CCDC39: variants seen among roughly 807,000 people sequenced by gnomAD.
CCDC39 encodes coiled-coil domain-containing protein 39.
Under a neutral mutation model 121.0 loss-of-function variants are expected in CCDC39, and 113 were observed. The ratio of observed to expected loss-of-function variants is 0.93; its 90% CI spans 0.80 to 1.09. CCDC39 has a LOEUF of 1.09. Ranked by LOEUF, CCDC39 falls within the 50% of genes least tolerant of loss-of-function variation. The probability of loss-of-function intolerance (pLI) is 0.00; values close to 1 mark genes in which losing one functional copy is unlikely to be tolerated. For missense variants in CCDC39, 1,063 were observed against 1,074.7 expected, an observed-to-expected ratio of 0.99 and a Z score of 0.15; for synonymous variants, 349 against 352.2, an observed-to-expected ratio of 0.99 and a Z score of 0.10.
intron 7 of CCDC39, among the ~76,000 whole-genome samples, chr3:180,653,405 C>T (rs1371259212): frequency 2.0e-5 from 3 of 152,118 alleles, no homozygotes; most frequent in Non-Finnish European, 2.9e-5. Context: ...AAACTTTTGC[C>T]TTCCTTTATC....
chr3:180,648,001 G>C (rs1718112981), intron 10 of CCDC39, among the ~76,000 whole-genome samples, 164 bp downstream of exon 10: 1 of 151,920 alleles, frequency 6.6e-6, no homozygotes, highest in Non-Finnish European at 1.5e-5. Context: ...AGTTTTTAAG[G>C]CTCCCTCACC....
Position 180,648,201 on chromosome 3 carries a change from A to T in CCDC39, c.1326T>A (p.Phe442Leu). Reference protein sequence around the residue: ...HLNHQLQKLDFETLKQQEIMY... With the variant: ...HLNHQLQKLDLETLKQQEIMY... Reference sequence around the variant, plus strand: ...TAATTTCTTGCTGCTTCAAGGTTTCAAAATCCAGTTTTTGTAACTGATGGT... The same window carrying T: ...TAATTTCTTGCTGCTTCAAGGTTTCTAAATCCAGTTTTTGTAACTGATGGT... Residue 442 changes from phenylalanine (F) to leucine (L), a missense_variant, in exon 10 of 20, where the codon TTT (phenylalanine) becomes TTA (leucine). Phe to Leu is a conservative substitution (Grantham distance 22, BLOSUM62 0). Coordinates refer to ENST00000476379, the MANE Select transcript of CCDC39 (RefSeq NM_181426.2). The T allele has an allele frequency of 6.2e-7, 1 of 1,613,462 alleles. No homozygotes were observed.
rs938956819 is a variant in CCDC39, at chr3:180,678,434, G to C, written c.90+857C>G. Among the ~76,000 whole-genome samples the C allele has an allele frequency of 7.9e-5, 12 of 152,074 alleles. No individual in the cohort carries two copies. The South Asian group carries it at 2.5e-3, about 32-fold the overall frequency. On this transcript the variant is annotated intron_variant, in intron 1 of 19. Transcript: ENST00000476379. ...GTGTAAGCATCATCTGTTATTCTTG[G>C]ACCTTCTTCTACACAACATATCACC...
chr3:180,670,378 A>T (rs1230126541), intron 1 of CCDC39, among the ~76,000 whole-genome samples: 2 of 151,914 alleles, frequency 1.3e-5, no homozygotes, highest in East Asian at 3.9e-4. Flanking sequence ...AAAAGCTGAC[A>T]ATTTTCTATG....
intron 1 of CCDC39, among the ~76,000 whole-genome samples, chr3:180,678,275 T>G (rs1425241971): frequency 1.3e-5 from 2 of 152,208 alleles, no homozygotes; most frequent in Non-Finnish European, 2.9e-5. Context: ...AATTGCAGTC[T>G]TCTAAATTAC....
chr3:180,646,783 T>C (rs2108421205), intron 11 of CCDC39, among the ~76,000 whole-genome samples: 1 of 152,206 alleles, frequency 6.6e-6, no homozygotes, highest in South Asian at 2.1e-4. Flanking sequence ...CAGTATAACC[T>C]GGACAAATTA....
chr3:180,659,559 G>C lies in CCDC39; in HGVS notation c.631C>G (p.Gln211Glu). 1 of 1,612,912 alleles carries C rather than the reference G, an allele frequency of 6.2e-7. No individual in the cohort carries two copies. The highest frequency in any genetic ancestry group is 8.5e-7 in the Non-Finnish European group (1 of 1,179,522). Reference sequence around the variant, plus strand: ...TCATTATGAATCTTACGAAAATCTTGTGCTGCTTTATCCAATTCTAACTGT... The same window carrying C: ...TCATTATGAATCTTACGAAAATCTTCTGCTGCTTTATCCAATTCTAACTGT... Reference protein sequence around the residue: ...SAQLELDKAAQDFRKIHNERQ... With the variant: ...SAQLELDKAAEDFRKIHNERQ... Residue 211 changes from glutamine (Q) to glutamate (E), a missense_variant, in exon 6 of 20, where the codon CAA becomes GAA. Coordinates refer to ENST00000476379, the MANE Select transcript of CCDC39 (RefSeq NM_181426.2).
At chr3:180,657,176 GT>G (rs1193319615) in intron 6 of CCDC39, among the ~76,000 whole-genome samples, 1 of 152,136 alleles carries the variant, frequency 6.6e-6, no homozygotes, top group East Asian at 1.9e-4. Context: ...TAGATCAGGG[GT>G]TTTTTCAAAA....
intron 1 of CCDC39, among the ~76,000 whole-genome samples, chr3:180,669,125 C>T (rs574387811): frequency 1.1e-3 from 171 of 152,234 alleles, no homozygotes; most frequent in African/African-American, 3.9e-3. Context: ...TATCTCTCTC[C>T]TTTGATTTGA....
intron 13 of CCDC39, among the ~76,000 whole-genome samples, chr3:180,633,584 A>G (rs1356129432): frequency 6.6e-6 from 1 of 152,136 alleles, no homozygotes; most frequent in African/African-American, 2.4e-5. Flanking sequence ...GGGAATAGGG[A>G]GAGAGAGATA....
At chr3:180,659,906 C>A (rs1560092247) in intron 4 of CCDC39, 137 bp from the exon 5 acceptor site, 2 of 521,018 alleles carry the variant, frequency 3.8e-6, no homozygotes, top group Non-Finnish European at 6.2e-6. Context: ...TAATAAATAT[C>A]TTTCTTATCT....
rs1214680065 is a variant in CCDC39 at position 180,648,372 on chromosome 3, A to G, written c.1168-13T>C. ...GAACATCTACTTCCTGATAATGAGA[A>G]TTATAGTGATTAATGGAATTAAATA... is the stretch of plus-strand genomic sequence containing the variant. On this transcript the variant is annotated splice_polypyrimidine_tract_variant and intron_variant, in intron 9 of 19. Coordinates refer to ENST00000476379, the MANE Select transcript of CCDC39 (RefSeq NM_181426.2). 2 of 1,442,432 alleles carry G rather than the reference A, an allele frequency of 1.4e-6. No homozygotes were observed. Among genetic ancestry groups the G allele is most frequent in the Non-Finnish European group, 1.9e-6 (2 of 1,066,416 alleles). The allele number at this position is 1,442,432 out of a possible 1,614,324, so 89.4% of individuals were successfully genotyped here. A position where few individuals can be genotyped will look rare whatever the true frequency, so the allele number is the denominator to read the frequency against.
At position 180,647,196 on chromosome 3, in the gene CCDC39, T is replaced by C. The variant is rs1292653659; in HGVS notation, c.1410A>G (p.Gly470=). 1 of 1,610,926 alleles carries C rather than the reference T, an allele frequency of 6.2e-7. No individual in the cohort carries two copies. The highest frequency in any genetic ancestry group is 1.3e-5 in the African/African-American group (1 of 74,796). Residue 470 remains glycine (G), a synonymous_variant, in exon 11 of 20, where the codon GGA becomes GGG. Transcript: ENST00000476379. ...CTTGTTTTTCTTCTGAATTAATTTCTCCCTTTAACCGTGACATTCTCCGTT... is the reference window on the plus strand; with the variant it reads ...CTTGTTTTTCTTCTGAATTAATTTCCCCCTTTAACCGTGACATTCTCCGTT... ...QVERRMSRLK[G]EINSEEKQAL...
Position 180,663,980 on chromosome 3 carries a change from T to G in CCDC39, c.97A>C (p.Lys33Gln). 1 of 1,610,878 alleles carries G rather than the reference T, an allele frequency of 6.2e-7. No homozygotes were observed. The highest frequency in any genetic ancestry group is 8.5e-7 in the Non-Finnish European group (1 of 1,179,036). Residue 33 changes from lysine (K) to glutamine (Q), a missense_variant, in exon 2 of 20, where the codon AAG becomes CAG. Lys to Gln is a moderately conservative substitution (Grantham distance 53, BLOSUM62 1). Transcript: ENST00000476379. ...AAGCTTGCTCTTTCATCCTTCAGCT[T>G]TGACAACTGTAAATAATAAATACTA... is the stretch of plus-strand genomic sequence containing the variant. ...ENKLLEDQLS[K>Q]LKDERASLQD...
intron 16 of CCDC39, 76 bp from the exon 17 acceptor site, chr3:180,617,042 ATTTAAT>A (rs1717274379): frequency 1.2e-6 from 1 of 802,340 alleles, no homozygotes; most frequent in East Asian, 2.8e-5. Flanking sequence ...TCAAGTATTC[ATTTAAT>A]TTTAATTCAT....
chr3:180,653,540 A>C (rs1020926904), intron 7 of CCDC39, among the ~76,000 whole-genome samples: 1 of 152,212 alleles, frequency 6.6e-6, no homozygotes, highest in East Asian at 1.9e-4. Flanking sequence ...GACAGATTCA[A>C]TACAATATCA....
intron 14 of CCDC39, among the ~76,000 whole-genome samples, chr3:180,623,621 T>C (rs1012576912): frequency 6.6e-6 from 1 of 152,044 alleles, no homozygotes; most frequent in Non-Finnish European, 1.5e-5. Flanking sequence ...GCATTCCTTT[T>C]GCTCTATCCC....
In CCDC39 at chr3:180,651,445, TA is replaced by T. The variant is rs765149306; in HGVS notation, c.1122del (p.Thr375LeufsTer7). On this transcript the variant is annotated frameshift_variant, in exon 9 of 20. Coordinates refer to ENST00000476379, the MANE Select transcript of CCDC39 (RefSeq NM_181426.2). LOFTEE classifies it high-confidence loss of function. ...TEKTMSVEEKATNLEDMLKEE... is the reference protein window; with the variant it reads ...TEKTMSVEEKXTNLEDMLKEE... ...TCCTTTAGCATATCTTCCAAATTAG[TA>T]GCTTTCTCTTCTACAGACATGGTTT... is the stretch of plus-strand genomic sequence containing the variant. 6.4e-7 allele frequency: 1 copy of T among 1,557,954 alleles called. No individual in the cohort carries two copies. Among genetic ancestry groups the T allele is most frequent in the Non-Finnish European group, 8.7e-7 (1 of 1,148,856 alleles).
chr3:180,668,331 A>G (rs73185995), intron 1 of CCDC39, among the ~76,000 whole-genome samples: 1 of 152,072 alleles, frequency 6.6e-6, no homozygotes, highest in African/African-American at 2.4e-5. Context: ...GTCGGCTCAG[A>G]TCATGCCACT....
Sources: allele counts gnomAD v4.1 joint callset (sites outside exome capture counted in the v4.1 genomes callset), GRCh38; gene constraint gnomAD v4.1.1; transcripts MANE v1.5; gene names NCBI Gene and HGNC (gene_info 2026-07-23, HGNC 2026-07-21).